The following NAALADL2 variants were observed in gnomAD, a reference collection of about 807,000 sequenced individuals.
NAALADL2 encodes N-acetylated alpha-linked acidic dipeptidase like 2, also known as inactive N-acetylated-alpha-linked acidic dipeptidase-like protein 2.
NAALADL2 carries 76 observed loss-of-function variants against 87.2 expected under a neutral mutation model. That is an observed-to-expected ratio of 0.87 (90% CI 0.72 to 1.05). The LOEUF is 1.05. Ranked by LOEUF, NAALADL2 falls within the 50% of genes least tolerant of loss-of-function variation. The pLI is 0.00. For synonymous variants in NAALADL2, 354 were observed against 331.0 expected, an observed-to-expected ratio of 1.07 and a Z score of -0.75; for missense variants, 1,089 against 945.8, an observed-to-expected ratio of 1.15 and a Z score of -1.99.
chr3:174,893,761 G>C (rs190804538), intron 1 of NAALADL2, among the ~76,000 whole-genome samples: 4 of 152,122 alleles, frequency 2.6e-5, no homozygotes, highest in Admixed American at 6.5e-5. Flanking sequence ...TATATCACCA[G>C]GGAAAATCAT....
At chr3:175,740,682 C>T (rs116714226) in intron 12 of NAALADL2, among the ~76,000 whole-genome samples, 199 of 152,272 alleles carry the variant, frequency 1.3e-3, no homozygotes, top group African/African-American at 4.3e-3. Context: ...TATAGCAGAG[C>T]GCATCTCCCC....
intron 2 of NAALADL2, among the ~76,000 whole-genome samples, chr3:175,208,791 A>G (rs564214271): frequency 6.1e-4 from 93 of 152,326 alleles, no homozygotes; most frequent in African/African-American, 2.2e-3. Flanking sequence ...AACAAGTTTA[A>G]TAGATAATAT....
intron 13 of NAALADL2, among the ~76,000 whole-genome samples, chr3:175,757,574 T>A (rs578088269): frequency 4.3e-4 from 65 of 152,276 alleles, no homozygotes; most frequent in African/African-American, 1.4e-3. Flanking sequence ...ATCCATACTT[T>A]ACGTAATTTT....
chr3:175,179,172 A>G (rs1382088508), intron 2 of NAALADL2, among the ~76,000 whole-genome samples: 1 of 152,092 alleles, frequency 6.6e-6, no homozygotes, highest in Non-Finnish European at 1.5e-5. Context: ...TTCCATTGAT[A>G]AATCTTCCCA....
chr3:174,563,644 C>G (rs1713894817), intron 2 of NAALADL2, among the ~76,000 whole-genome samples: 1 of 150,912 alleles, frequency 6.6e-6, no homozygotes, highest in Non-Finnish European at 1.5e-5. Context: ...TTAAAATTTC[C>G]ATTATGATTA....
At chr3:174,856,554 C>T (rs544068480), upstream of NAALADL2, among the ~76,000 whole-genome samples, 60 of 152,252 alleles carry the variant, frequency 3.9e-4, no homozygotes, top group African/African-American at 1.3e-3. Flanking sequence ...GGATCCATCT[C>T]AGTTATCAGA....
At chr3:175,534,037 T>TAAATAAATTATTTATTTATATATA (rs1356333947) in intron 9 of NAALADL2, among the ~76,000 whole-genome samples, 17 of 149,706 alleles carry the variant, frequency 1.1e-4, no homozygotes, top group Non-Finnish European at 2.4e-4. Context: ...ATTTATTTAT[T>TAAATAAATTATTTATTTATATATA]ATAAATAAAT....
intron 11 of NAALADL2, among the ~76,000 whole-genome samples, chr3:175,728,104 G>A (rs1464885722): frequency 6.6e-6 from 1 of 152,090 alleles, no homozygotes; most frequent in Non-Finnish European, 1.5e-5. Context: ...TCAAATTATA[G>A]TTGAATATTA....
intron 9 of NAALADL2, among the ~76,000 whole-genome samples, chr3:175,564,157 C>T (rs1435937113): frequency 1.3e-5 from 2 of 151,946 alleles, no homozygotes; most frequent in Non-Finnish European, 2.9e-5. Flanking sequence ...TCCCTGTGCC[C>T]TCCTAAAATT....
chr3:175,028,077 A>G (rs1160125864), intron 1 of NAALADL2, among the ~76,000 whole-genome samples: 2 of 152,100 alleles, frequency 1.3e-5, no homozygotes, highest in Non-Finnish European at 2.9e-5. Flanking sequence ...CACATCAGCA[A>G]GGAGAACAGC....
chr3:175,354,830 C>T (rs918885748), intron 5 of NAALADL2, among the ~76,000 whole-genome samples: 10 of 150,832 alleles, frequency 6.6e-5, no homozygotes, highest in Non-Finnish European at 1.2e-4. Context: ...ATATATTACT[C>T]TTGTTTGCAA....
At chr3:174,895,808 A>C (rs967284230) in intron 1 of NAALADL2, among the ~76,000 whole-genome samples, 1 of 152,166 alleles carries the variant, frequency 6.6e-6, no homozygotes, top group Non-Finnish European at 1.5e-5. Context: ...AAGAAAATAC[A>C]ACCTGAATTC....
intron 1 of NAALADL2, among the ~76,000 whole-genome samples, chr3:174,938,349 C>T (rs1017098881): frequency 3.9e-5 from 6 of 152,046 alleles, no homozygotes; most frequent in South Asian, 2.1e-4. Flanking sequence ...CTGCAAAAGA[C>T]GTGATCTCCT....
intron 5 of NAALADL2, among the ~76,000 whole-genome samples, chr3:175,404,393 C>T (rs1251513554): frequency 6.6e-6 from 1 of 152,074 alleles, no homozygotes; most frequent in Non-Finnish European, 1.5e-5. Flanking sequence ...CTATAATCAC[C>T]AAATAACTGT....
At chr3:174,855,050 G>A (rs568203009), upstream of NAALADL2, among the ~76,000 whole-genome samples, 96 of 152,078 alleles carry the variant, frequency 6.3e-4, no homozygotes, top group African/African-American at 2.2e-3. Flanking sequence ...TGTTGGCCAT[G>A]CTGGTCTCGA....
chr3:175,263,932 A>G (rs986745147), intron 4 of NAALADL2, among the ~76,000 whole-genome samples: 2 of 151,828 alleles, frequency 1.3e-5, no homozygotes, highest in Non-Finnish European at 3.0e-5. Context: ...GCTTATCAAT[A>G]TAGATATCTG....
intron 9 of NAALADL2, among the ~76,000 whole-genome samples, chr3:175,497,406 G>A (rs1728965900): frequency 6.6e-6 from 1 of 152,096 alleles, no homozygotes; most frequent in African/African-American, 2.4e-5. Context: ...TTTACAAAAT[G>A]TGTAATATTT....
At chr3:175,728,793 T>C (rs1189814052) in intron 11 of NAALADL2, among the ~76,000 whole-genome samples, 1 of 152,172 alleles carries the variant, frequency 6.6e-6, no homozygotes, top group Non-Finnish European at 1.5e-5. Context: ...CATGGCCATA[T>C]GGCTTGGATG....
intron 13 of NAALADL2, among the ~76,000 whole-genome samples, chr3:175,780,291 A>G (rs1263066233): frequency 1.3e-5 from 2 of 151,786 alleles, no homozygotes; most frequent in East Asian, 3.9e-4. Context: ...AAAAAAACCA[A>G]TAAAAAGAAT....
Sources: allele counts gnomAD v4.1 joint callset (sites outside exome capture counted in the v4.1 genomes callset), GRCh38; gene constraint gnomAD v4.1.1; transcripts MANE v1.5; gene names NCBI Gene and HGNC (gene_info 2026-07-23, HGNC 2026-07-21).